JAM3: variants seen among roughly 807,000 people sequenced by gnomAD.
The protein encoded by JAM3 is junctional adhesion molecule 3.
JAM3 carries 31 observed loss-of-function variants against 39.4 expected under a neutral mutation model. The observed-to-expected ratio is 0.79, with a 90% confidence interval of 0.59 to 1.06. JAM3 has a LOEUF of 1.06. Ranked by LOEUF, JAM3 falls within the 50% of genes least tolerant of loss-of-function variation. JAM3 has a pLI of 0.00. For missense variants in JAM3, 455 were observed against 391.4 expected, an observed-to-expected ratio of 1.16 and a Z score of -1.37; for synonymous variants, 182 against 148.7, an observed-to-expected ratio of 1.22 and a Z score of -1.63.
chr11:134,150,809 AAAAC>A lies in JAM3; in HGVS notation c.*1633_*1636del, dbSNP rs1184294160. The A allele has an allele frequency of 7.9e-5, 12 of 152,328 alleles. No homozygotes were observed. The highest frequency in any genetic ancestry group is 3.4e-3 in the Middle Eastern group (1 of 294). The allele number at this position is 152,328 out of a possible 1,614,324, so 9.4% of individuals were successfully genotyped here. A position where few individuals can be genotyped will look rare whatever the true frequency, so the allele number is the denominator to read the frequency against. On this transcript the variant is annotated 3_prime_UTR_variant, in exon 9 of 9. Coordinates refer to ENST00000299106, the MANE Select transcript of JAM3 (RefSeq NM_032801.5). Reference sequence around the variant, plus strand: ...GACGCCACAGGCTCTGTCGCATTTCAAAACAAACCATGATGGAGTGGCGGCCAGT... The same window carrying A: ...GACGCCACAGGCTCTGTCGCATTTCAAAACCATGATGGAGTGGCGGCCAGT...
Position 134,146,021 on chromosome 11 carries a change from T to C in JAM3, c.688T>C (p.Cys230Arg), listed in dbSNP as rs745701102. 1 of 1,613,794 alleles carries C rather than the reference T, an allele frequency of 6.2e-7. No homozygotes were observed. Among genetic ancestry groups the C allele is most frequent in the Non-Finnish European group, 8.5e-7 (1 of 1,179,726 alleles). The change falls in exon 6 of 9, where the codon TGT becomes CGT. Residue 230 changes from cysteine (C) to arginine (R), a missense_variant. Cys to Arg is a radical substitution (Grantham distance 180). Transcript: ENST00000299106. ...IASNDAGSARCEEQEMEVYDL... is the reference protein window; with the variant it reads ...IASNDAGSARREEQEMEVYDL... ...TTCCAATGACGCAGGCTCAGCCAGG[T>C]GTGAGGAGCAGGAGATGGAAGTCTG...
intron 1 of JAM3, among the ~76,000 whole-genome samples, chr11:134,107,674 G>A (rs1255330318): frequency 2.0e-5 from 3 of 151,934 alleles, no homozygotes; most frequent in East Asian, 1.9e-4. Flanking sequence ...AAGAGCCTGG[G>A]CAACATAGCA....
intron 1 of JAM3, among the ~76,000 whole-genome samples, chr11:134,138,650 C>T (rs1490982557): frequency 6.6e-6 from 1 of 152,246 alleles, no homozygotes; most frequent in East Asian, 1.9e-4. Flanking sequence ...GTATTTCTGG[C>T]TCCCAGAGGG....
At position 134,105,362 on chromosome 11, in the gene JAM3, T is replaced by TA. The variant is rs534092884; in HGVS notation, c.77-34487dup. 1.4e-3 allele frequency among the ~76,000 whole-genome samples: 210 copies of TA among 152,234 alleles called. 1 individual carries two copies. In the Middle Eastern group the frequency reaches 0.02, roughly 15 times the overall value. On this transcript the variant is annotated intron_variant, in intron 1 of 8. Transcript: ENST00000299106. ...ATTGATGGGACGTATCTCAAAATAA[T>TA]AAGAGTTATTTATGACAAACCCACA...
chr11:134,144,228 G>A lies in JAM3; in HGVS notation c.257-13G>A, dbSNP rs774439815. 3.1e-5 allele frequency: 50 copies of A among 1,614,164 alleles called. No homozygotes were observed. In the South Asian group the frequency reaches 4.9e-4, roughly 16 times the overall value. Reference sequence around the variant, plus strand: ...TTAAAGAAGTTTTTTAGTGCCTCGTGTCTTTTCTGTAGGAGACTTGGCGGG... The same window carrying A: ...TTAAAGAAGTTTTTTAGTGCCTCGTATCTTTTCTGTAGGAGACTTGGCGGG... On this transcript the variant is annotated splice_polypyrimidine_tract_variant and intron_variant, in intron 3 of 8. Transcript: ENST00000299106.
chr11:134,128,363 C>T (rs1470782819), intron 1 of JAM3, among the ~76,000 whole-genome samples: 1 of 152,194 alleles, frequency 6.6e-6, no homozygotes, highest in Non-Finnish European at 1.5e-5. Context: ...ACTTAACAGC[C>T]TTTGTCAACT....
chr11:134,121,198 C>T (rs1056404489), intron 1 of JAM3, among the ~76,000 whole-genome samples: 1 of 152,208 alleles, frequency 6.6e-6, no homozygotes, highest in South Asian at 2.1e-4. Flanking sequence ...GTATTTTAAA[C>T]AAGCGAAGTG....
intron 1 of JAM3, among the ~76,000 whole-genome samples, chr11:134,118,078 C>G (rs1942470504): frequency 6.6e-6 from 1 of 152,200 alleles, no homozygotes; most frequent in African/African-American, 2.4e-5. Context: ...AAAGTAGCTT[C>G]ATGCCAAGGT....
At position 134,148,623 on chromosome 11, in the gene JAM3, C is replaced by T. The variant is rs1288812241; in HGVS notation, c.789C>T (p.Ile263=). 1 of 1,613,940 alleles carries T rather than the reference C, an allele frequency of 6.2e-7. No homozygotes were observed. The highest frequency in any genetic ancestry group is 1.3e-5 in the African/African-American group (1 of 74,872). The stretch of plus-strand genomic sequence containing the variant: ...TACTGGCCCTGATCACGTTGGGCAT[C>T]TGCTGTGCATACAGACGTGGCTACT... ...LAVLALITLG[I]CCAYRRGYFI... is the part of the protein sequence containing the mutation. Residue 263 remains isoleucine (I), a synonymous_variant, in exon 7 of 9, where the codon ATC becomes ATT. Coordinates refer to ENST00000299106, the MANE Select transcript of JAM3 (RefSeq NM_032801.5).
intron 1 of JAM3, among the ~76,000 whole-genome samples, chr11:134,104,547 CA>C (rs541931174): frequency 3.3e-5 from 5 of 151,734 alleles, no homozygotes; most frequent in African/African-American, 9.7e-5. Flanking sequence ...AAAAACCCTT[CA>C]AAAAAATCAA....
At chr11:134,122,675 A>G (rs748025127) in intron 1 of JAM3, among the ~76,000 whole-genome samples, 7 of 152,224 alleles carry the variant, frequency 4.6e-5, no homozygotes, top group Non-Finnish European at 1.0e-4. Context: ...AAGGCAATCA[A>G]TGGTTAAACT....
chr11:134,119,442 A>C (rs1242851616), intron 1 of JAM3, among the ~76,000 whole-genome samples: 1 of 152,268 alleles, frequency 6.6e-6, no homozygotes, highest in East Asian at 1.9e-4. Context: ...TCTTTTAAGA[A>C]GTGCCATTGC....
intron 1 of JAM3, among the ~76,000 whole-genome samples, chr11:134,105,675 TC>T (rs1942170277): frequency 6.6e-6 from 1 of 151,698 alleles, no homozygotes; most frequent in Non-Finnish European, 1.5e-5. Flanking sequence ...AAAATCAATG[TC>T]CAGACATCAC....
At chr11:134,072,021 C>T (rs563470038) in intron 1 of JAM3, among the ~76,000 whole-genome samples, 1 of 152,138 alleles carries the variant, frequency 6.6e-6, no homozygotes, top group East Asian at 1.9e-4. Flanking sequence ...ATCCACACAA[C>T]CCCTAAGCTC....
chr11:134,144,711 T>G, intron 4 of JAM3, 81 bp from the exon 5 acceptor site: 1 of 1,296,782 alleles, frequency 7.7e-7, no homozygotes, highest in Non-Finnish European at 1.1e-6. Flanking sequence ...TGTCTTGTCT[T>G]TGGAGCTGAT....
intron 6 of JAM3, 77 bp downstream of exon 6, chr11:134,146,122 C>G: frequency 9.9e-7 from 1 of 1,012,766 alleles, no homozygotes; most frequent in Non-Finnish European, 1.5e-6. Flanking sequence ...ATTATACCAT[C>G]AGCTTAGAGA....
intron 3 of JAM3, 72 bp from the exon 4 acceptor site, chr11:134,144,169 C>T: frequency 6.5e-7 from 1 of 1,537,460 alleles, no homozygotes; most frequent in Admixed American, 1.7e-5. Flanking sequence ...GTGCTAGCCC[C>T]AGAAACCACC....
At chr11:134,127,464 C>T (rs1343614765) in intron 1 of JAM3, among the ~76,000 whole-genome samples, 1 of 152,080 alleles carries the variant, frequency 6.6e-6, no homozygotes, top group African/African-American at 2.4e-5. Flanking sequence ...TTTGGGAGGC[C>T]AAGGCAGGTG....
intron 1 of JAM3, among the ~76,000 whole-genome samples, chr11:134,132,402 A>G (rs564074218): frequency 2.6e-5 from 4 of 152,344 alleles, no homozygotes; most frequent in African/African-American, 9.6e-5. Flanking sequence ...AATTACCACC[A>G]GACCTCTATA....
Sources: allele counts gnomAD v4.1 joint callset (sites outside exome capture counted in the v4.1 genomes callset), GRCh38; gene constraint gnomAD v4.1.1; transcripts MANE v1.5; gene names NCBI Gene and HGNC (gene_info 2026-07-23, HGNC 2026-07-21).